The following MPRIP variants were observed in gnomAD, a reference collection of about 807,000 sequenced individuals.
MPRIP encodes myosin phosphatase Rho-interacting protein.
Under a neutral mutation model 234.9 loss-of-function variants are expected in MPRIP, and 59 were observed. That is an observed-to-expected ratio of 0.25 (90% CI 0.20 to 0.31). MPRIP has a LOEUF of 0.31. Ranked by LOEUF, MPRIP falls within the 10% of genes least tolerant of loss-of-function variation. The pLI is 1.00. For missense variants in MPRIP, 2,436 were observed against 3,071.0 expected, an observed-to-expected ratio of 0.79 and a Z score of 4.89; for synonymous variants, 1,144 against 1,263.9, an observed-to-expected ratio of 0.91 and a Z score of 2.01.
chr17:17,176,614 A>C (rs1246646777), intron 21 of MPRIP, 102 bp downstream of exon 21: 1 of 891,154 alleles, frequency 1.1e-6, no homozygotes, highest in African/African-American at 1.7e-5. Flanking sequence ...CTTCTGAAGC[A>C]GATTTTACTC....
At position 17,164,311 on chromosome 17, in the gene MPRIP, G is replaced by A. The variant is rs2670548; in HGVS notation, c.2720G>A (p.Ser907Asn). The A allele has an allele frequency of 4.6e-6, 6 of 1,303,972 alleles. No individual in the cohort carries two copies. The East Asian group carries it at 2.2e-4, about 48-fold the overall frequency. 80.8% of individuals were successfully genotyped at this position (1,303,972 alleles called of 1,614,324 possible). A position where few individuals can be genotyped will look rare whatever the true frequency, so the allele number is the denominator to read the frequency against. ...ATCCGGAGCCTTCAGGCACGGCTCA[G>A]CAATGCGGCCGCTGAGCTAGCCATC... ...AEIRSLQARL[S>N]NAAAELAIKE... The change falls in exon 16 of 24, where the codon AGC (serine) becomes AAC (asparagine). Residue 907 changes from serine (S) to asparagine (N), a missense_variant. Transcript: ENST00000651222.
chr17:17,055,689 C>T (rs1364760003), intron 1 of MPRIP, among the ~76,000 whole-genome samples: 1 of 152,224 alleles, frequency 6.6e-6, no homozygotes, highest in Non-Finnish European at 1.5e-5. Context: ...AATTCCACAT[C>T]TCCCTTCCCG....
rs61999296 is a variant in MPRIP at position 17,166,795 on chromosome 17, C to T, written c.5204C>T (p.Ala1735Val). The T allele has an allele frequency of 6.6e-4, 861 of 1,304,182 alleles. 5 individuals carry two copies. In the African/African-American group the frequency reaches 0.012, roughly 18 times the overall value. The allele number at this position is 1,304,182 out of a possible 1,614,324, so 80.8% of individuals were successfully genotyped here. A position where few individuals can be genotyped will look rare whatever the true frequency, so the allele number is the denominator to read the frequency against. ...GTCTTGGAAGCCCTCAGGCTTCCAGCGGGCCATGAAGATGGTGTTCAGCTG... is the reference window on the plus strand; with the variant it reads ...GTCTTGGAAGCCCTCAGGCTTCCAGTGGGCCATGAAGATGGTGTTCAGCTG... Reference protein sequence around the residue: ...QQVLEALRLPAGHEDGVQLSW... With the variant: ...QQVLEALRLPVGHEDGVQLSW... Residue 1735 changes from alanine to valine, a missense_variant, in exon 16 of 24, where the codon GCG becomes GTG. By Grantham distance (64) the Ala-to-Val change is moderately conservative (BLOSUM62 0). Coordinates refer to ENST00000651222, the MANE Select transcript of MPRIP (RefSeq NM_001364716.4). This position sits in a 1 kb window ranked among gnomAD's most constrained non-coding sequence, Gnocchi z 4.4.
intron 3 of MPRIP, among the ~76,000 whole-genome samples, chr17:17,098,569 G>A (rs1051148914): frequency 6.6e-6 from 1 of 152,202 alleles, no homozygotes; most frequent in Non-Finnish European, 1.5e-5. Context: ...TGGCATCGGT[G>A]CAGGCCCACA....
intron 4 of MPRIP, among the ~76,000 whole-genome samples, chr17:17,129,893 A>C (rs1446267446): frequency 6.6e-6 from 1 of 152,228 alleles, no homozygotes; most frequent in Non-Finnish European, 1.5e-5. Context: ...CTGGAAAGGC[A>C]AACCTCTTTA....
Position 17,184,978 on chromosome 17 carries a change from T to TTCA in MPRIP, c.*85_*86insCAT, listed in dbSNP as rs2046447329. ...CGCTGCTTTTCACCTGTACCTTTGT[T>TTCA]TTATTATTATTATTATTATTGCTGT... is the stretch of plus-strand genomic sequence containing the variant. On this transcript the variant is annotated 3_prime_UTR_variant, in exon 24 of 24. Transcript: ENST00000651222. 5 of 852,238 alleles carry TTCA rather than the reference T, an allele frequency of 5.9e-6. No individual in the cohort carries two copies. Among genetic ancestry groups the TTCA allele is most frequent in the Non-Finnish European group, 9.8e-6 (5 of 508,918 alleles). 52.8% of individuals were successfully genotyped at this position (852,238 alleles called of 1,614,324 possible).
chr17:17,092,998 G>A (rs767432641), intron 3 of MPRIP, among the ~76,000 whole-genome samples: 61 of 152,218 alleles, frequency 4.0e-4, no homozygotes, highest in Non-Finnish European at 7.3e-4. Flanking sequence ...GGACTGTGCA[G>A]TAATTTGAAG....
intron 1 of MPRIP, among the ~76,000 whole-genome samples, chr17:17,066,161 C>T (rs910508916): frequency 6.6e-6 from 1 of 152,122 alleles, no homozygotes; most frequent in African/African-American, 2.4e-5. Context: ...GCTAGAAATT[C>T]GCGCACTATG....
chr17:17,111,225 CAAAAAA>C (rs55714262), intron 3 of MPRIP, among the ~76,000 whole-genome samples: 5 of 86,558 alleles, frequency 5.8e-5, no homozygotes, highest in African/African-American at 1.8e-4. Flanking sequence ...GGGGTAGTCC[CAAAAAA>C]AAAAAAAAAA....
At chr17:17,171,984 T>C in intron 17 of MPRIP, 119 bp downstream of exon 17, 1 of 1,187,068 alleles carries the variant, frequency 8.4e-7, no homozygotes, top group Non-Finnish European at 1.2e-6. Flanking sequence ...TAAACTTCAT[T>C]GTTGAAGGGT....
chr17:17,164,625 C>T lies in MPRIP; in HGVS notation c.3034C>T (p.Arg1012Trp), dbSNP rs1287049653. ...ACTGGGCGCCAGTGAGCAGGCGCAG[C>T]GGCTGATGGAGGAGAAGCTGCAGAG... The part of the protein sequence containing the change: ...QQLGASEQAQ[R>W]LMEEKLQRNY... Residue 1012 changes from arginine to tryptophan, a missense_variant, in exon 16 of 24, where the codon CGG becomes TGG. Transcript: ENST00000651222. 1.6e-5 allele frequency: 19 copies of T among 1,220,172 alleles called. No homozygotes were observed. The highest frequency in any genetic ancestry group is 1.9e-5 in the Non-Finnish European group (18 of 951,112). The allele number at this position is 1,220,172 out of a possible 1,614,324, so 75.6% of individuals were successfully genotyped here. A position where few individuals can be genotyped will look rare whatever the true frequency, so the allele number is the denominator to read the frequency against.
intron 3 of MPRIP, among the ~76,000 whole-genome samples, chr17:17,110,653 A>C (rs1292730323): frequency 6.6e-6 from 1 of 152,212 alleles, no homozygotes; most frequent in African/African-American, 2.4e-5. Flanking sequence ...TCAGTCGTGA[A>C]GCCTTGGAAG....
chr17:17,105,665 C>T (rs546455934), intron 3 of MPRIP, among the ~76,000 whole-genome samples: 32 of 152,170 alleles, frequency 2.1e-4, no homozygotes, highest in Admixed American at 2.0e-4. Flanking sequence ...GATTATCCGA[C>T]GTCCTGTAAT....
At chr17:17,168,845 C>T (rs1204514234) in intron 16 of MPRIP, 1 of 456,894 alleles carries the variant, frequency 2.2e-6, no homozygotes, top group Non-Finnish European at 4.4e-6. Context: ...GGCGCGCACA[C>T]AGCCAGCACC....
In MPRIP at chr17:17,158,510, G is replaced by A. The variant is rs1201877682; in HGVS notation, c.1908G>A (p.Glu636=). 6.2e-7 allele frequency: 1 copy of A among 1,611,458 alleles called. No homozygotes were observed. Among genetic ancestry groups the A allele is most frequent in the African/African-American group, 1.3e-5 (1 of 74,908 alleles). Residue 636 remains glutamate (E), a synonymous_variant, in exon 14 of 24, where the codon GAG becomes GAA. Transcript: ENST00000651222. ...CPRPTEKQEA[E]LGEPDPEQKR... Reference sequence around the variant, plus strand: ...GGCCTACTGAGAAGCAAGAGGCAGAGCTGGGGGAGCCGGACCCTGAGCAGA... The same window carrying A: ...GGCCTACTGAGAAGCAAGAGGCAGAACTGGGGGAGCCGGACCCTGAGCAGA...
At chr17:17,161,183 A>C (rs2045856987) in intron 14 of MPRIP, 57 bp from the exon 15 acceptor site, 12 of 1,267,632 alleles carry the variant, frequency 9.5e-6, no homozygotes. Flanking sequence ...TGTGCTGTGC[A>C]GCTGCTTTGT....
chr17:17,171,434 A>G (rs2046132649), intron 16 of MPRIP: 1 of 343,842 alleles, frequency 2.9e-6, no homozygotes, highest in African/African-American at 2.1e-5. Context: ...GTCCCCACCT[A>G]CCATACCAAC....
intron 3 of MPRIP, among the ~76,000 whole-genome samples, chr17:17,114,641 G>A (rs945787069): frequency 1.3e-5 from 2 of 152,192 alleles, no homozygotes; most frequent in African/African-American, 2.4e-5. Context: ...ATTGTGGTGG[G>A]TGAGGGGGAT....
At chr17:17,096,884 T>TACGGC in intron 3 of MPRIP, 1 of 444,992 alleles carries the variant, frequency 2.2e-6, no homozygotes, top group East Asian at 7.1e-5. Context: ...AAAATAAATA[T>TACGGC]GAAAAAGCAT....
Sources: allele counts gnomAD v4.1 joint callset (sites outside exome capture counted in the v4.1 genomes callset), GRCh38; gene constraint gnomAD v4.1.1; non-coding constraint Gnocchi (gnomAD v3.1); transcripts MANE v1.5; gene names NCBI Gene and HGNC (gene_info 2026-07-23, HGNC 2026-07-21).